The following MICU1 variants were observed in gnomAD, a reference collection of about 807,000 sequenced individuals.
MICU1 encodes mitochondrial calcium uptake 1.
A neutral mutation model predicts 56.8 loss-of-function variants in MICU1; 45 were observed. The ratio of observed to expected loss-of-function variants is 0.79; its 90% CI spans 0.62 to 1.02. The LOEUF is 1.02. Ranked by LOEUF, MICU1 falls within the 50% of genes least tolerant of loss-of-function variation. MICU1 has a pLI of 0.00. For missense variants in MICU1, 504 were observed against 587.1 expected (o/e 0.86, Z 1.46); for synonymous variants, 186 against 195.1 (o/e 0.95, Z 0.39).
At position 72,367,939 on chromosome 10, in the gene MICU1, A is replaced by G; in HGVS notation, c.*256T>C. On this transcript the variant is annotated 3_prime_UTR_variant, in exon 12 of 12. Transcript: ENST00000361114. ...GATGCTTGAATGGGTGGTGCTGTTG[A>G]GGCTGACAAATGTCTGAGCTTTACA... 1 of 416,280 alleles carries G rather than the reference A, an allele frequency of 2.4e-6. No homozygotes were observed. Among genetic ancestry groups the G allele is most frequent in the South Asian group, 6.2e-5 (1 of 16,260 alleles). The allele number at this position is 416,280 out of a possible 1,614,324, so 25.8% of individuals were successfully genotyped here.
At chr10:72,426,441 A>C (rs183952143) in intron 8 of MICU1, among the ~76,000 whole-genome samples, 1 of 149,170 alleles carries the variant, frequency 6.7e-6, no homozygotes, top group African/African-American at 2.5e-5. Context: ...ACTGTCACCC[A>C]GGCTGGAGTG....
At chr10:72,450,329 A>G (rs1564876630) in intron 8 of MICU1, among the ~76,000 whole-genome samples, 1 of 151,916 alleles carries the variant, frequency 6.6e-6, no homozygotes, top group East Asian at 1.9e-4. Flanking sequence ...GGAAATCAAT[A>G]GTGGTGCAAA....
intron 1 of MICU1, among the ~76,000 whole-genome samples, chr10:72,569,234 TA>T (rs1200813208): frequency 0.02 from 950 of 46,698 alleles, 27 homozygotes; most frequent in South Asian, 0.028. Context: ...TATATATATA[TA>T]TATTTTTTTT....
intron 1 of MICU1, among the ~76,000 whole-genome samples, chr10:72,623,450 TG>T (rs1842158576): frequency 6.6e-6 from 1 of 151,652 alleles, no homozygotes; most frequent in Admixed American, 6.6e-5. Flanking sequence ...TTAAAAAAAC[TG>T]GTTCTAGTGG....
At chr10:72,450,600 TA>T (rs1344306137) in intron 8 of MICU1, among the ~76,000 whole-genome samples, 10 of 152,310 alleles carry the variant, frequency 6.6e-5, no homozygotes, top group Admixed American at 5.9e-4. Context: ...CTGCTAATCT[TA>T]AATCTTTACT....
chr10:72,452,894 A>C (rs1189535167), intron 8 of MICU1, among the ~76,000 whole-genome samples: 1 of 151,618 alleles, frequency 6.6e-6, no homozygotes, highest in Non-Finnish European at 1.5e-5. Context: ...TGACAGACGG[A>C]CCTAGTGACT....
At chr10:72,610,532 G>A (rs143002602) in intron 1 of MICU1, among the ~76,000 whole-genome samples, 1 of 152,294 alleles carries the variant, frequency 6.6e-6, no homozygotes, top group African/African-American at 2.4e-5. Flanking sequence ...ACAGTGGGAA[G>A]ACAGTAGGCC....
At chr10:72,473,515 T>C (rs1589255525) in intron 8 of MICU1, among the ~76,000 whole-genome samples, 1 of 152,116 alleles carries the variant, frequency 6.6e-6, no homozygotes, top group Non-Finnish European at 1.5e-5. Context: ...CTGCTCTGGG[T>C]GCAAAGCAGG....
intron 1 of MICU1, among the ~76,000 whole-genome samples, chr10:72,604,335 G>T (rs1159442182): frequency 1.0e-5 from 1 of 97,924 alleles, no homozygotes; most frequent in African/African-American, 4.0e-5. Flanking sequence ...GCGCAATGTT[G>T]TGATCTCGGC....
At position 72,564,723 on chromosome 10, in the gene MICU1, A is replaced by T. The variant is rs561309658; in HGVS notation, c.162-1660T>A. On this transcript the variant is annotated intron_variant, in intron 2 of 11. Coordinates refer to ENST00000361114, the MANE Select transcript of MICU1 (RefSeq NM_001195518.2). ...GAGGTGCCTGGAATTGGTGAGGCAGAGGACTCAAAAGGAAAAAGTCACACA... is the reference window on the plus strand; with the variant it reads ...GAGGTGCCTGGAATTGGTGAGGCAGTGGACTCAAAAGGAAAAAGTCACACA... 8.9e-4 allele frequency among the ~76,000 whole-genome samples: 135 copies of T among 152,244 alleles called. 2 individuals carry two copies. Among genetic ancestry groups the T allele is most frequent in the Non-Finnish European group, 1.6e-3 (106 of 68,008 alleles).
At chr10:72,498,620 C>T (rs1866928968) in intron 6 of MICU1, among the ~76,000 whole-genome samples, 1 of 151,966 alleles carries the variant, frequency 6.6e-6, no homozygotes, top group Non-Finnish European at 1.5e-5. Context: ...AAGAAGCCTT[C>T]GGATTTACTC....
chr10:72,458,708 T>C (rs1305194352), intron 8 of MICU1, among the ~76,000 whole-genome samples: 1 of 40,154 alleles, frequency 2.5e-5, no homozygotes, highest in African/African-American at 5.5e-5. Context: ...GTTCCTGTTT[T>C]TTTTTTTTTT....
rs573196198 is a variant in MICU1 at position 72,391,390 on chromosome 10, C to T, written c.1181-15518G>A. Among the ~76,000 whole-genome samples, 102 of 152,110 alleles carry T rather than the reference C, an allele frequency of 6.7e-4. 1 individual carries two copies. Among genetic ancestry groups the T allele is most frequent in the African/African-American group, 2.3e-3 (96 of 41,480 alleles). On this transcript the variant is annotated intron_variant, in intron 10 of 11. Coordinates refer to ENST00000361114, the MANE Select transcript of MICU1 (RefSeq NM_001195518.2). The stretch of plus-strand genomic sequence containing the variant: ...GAGGTTGCAGTGAGTCGAGATCATG[C>T]CACTGCACTCCAGCCCAGCCTGGTC...
chr10:72,583,240 G>C (rs1840952878), intron 1 of MICU1, among the ~76,000 whole-genome samples: 1 of 151,460 alleles, frequency 6.6e-6, no homozygotes. Flanking sequence ...CTTAGGGTAG[G>C]AAAGCGCTAA....
chr10:72,572,207 T>C (rs1840628902), intron 1 of MICU1, among the ~76,000 whole-genome samples: 1 of 152,174 alleles, frequency 6.6e-6, no homozygotes, highest in Non-Finnish European at 1.5e-5. Flanking sequence ...TCTTTAGCAC[T>C]CTCATATCTT....
intron 11 of MICU1, among the ~76,000 whole-genome samples, chr10:72,372,108 C>G (rs1182379061): frequency 6.6e-6 from 1 of 151,658 alleles, no homozygotes; most frequent in African/African-American, 2.4e-5. Flanking sequence ...GTGGCTCATG[C>G]TTGTAATCTC....
intron 11 of MICU1, among the ~76,000 whole-genome samples, chr10:72,373,684 G>A (rs1862423269): frequency 6.6e-6 from 1 of 152,020 alleles, no homozygotes; most frequent in African/African-American, 2.4e-5. Context: ...GGAAAAGGGG[G>A]GACTTGAGAA....
intron 8 of MICU1, among the ~76,000 whole-genome samples, chr10:72,430,047 T>C (rs772935651): frequency 3.9e-5 from 6 of 152,200 alleles, no homozygotes; most frequent in Non-Finnish European, 5.9e-5. Context: ...ATAGTCAAGT[T>C]TGTGGGCCTC....
chr10:72,387,672 T>C (rs906898089), intron 10 of MICU1, among the ~76,000 whole-genome samples: 5 of 151,086 alleles, frequency 3.3e-5, no homozygotes, highest in African/African-American at 1.2e-4. Flanking sequence ...TTAATGAGTA[T>C]AAACAACTTA....
Sources: allele counts gnomAD v4.1 joint callset (sites outside exome capture counted in the v4.1 genomes callset), GRCh38; gene constraint gnomAD v4.1.1; transcripts MANE v1.5; gene names NCBI Gene and HGNC (gene_info 2026-07-23, HGNC 2026-07-21).